ASPRV1: variants seen among roughly 807,000 people sequenced by gnomAD.
The protein encoded by ASPRV1 is aspartic peptidase retroviral like 1.
ASPRV1 carries 7 observed loss-of-function variants against 11.0 expected under a neutral mutation model. The ratio of observed to expected loss-of-function variants is 0.64; its 90% CI spans 0.36 to 1.20. The LOEUF (loss-of-function observed/expected upper bound fraction) is 1.20. Ranked by LOEUF, ASPRV1 falls within the 50% of genes most tolerant of loss-of-function variation. The probability of loss-of-function intolerance (pLI) is 0.02; values close to 1 mark genes in which losing one functional copy is unlikely to be tolerated. For missense variants in ASPRV1, 299 were observed against 320.0 expected, an observed-to-expected ratio of 0.93 and a Z score of 0.50; for synonymous variants, 136 against 138.4, an observed-to-expected ratio of 0.98 and a Z score of 0.12.
the ASPRV1 span, among the ~76,000 whole-genome samples, chr2:69,973,724 T>C: frequency 6.6e-6 from 1 of 152,226 alleles, no homozygotes; most frequent in African/African-American, 2.4e-5. Context: ...ACTGGAAGAA[T>C]ATTTCCTTCA....
chr2:70,040,834 AAAACT>A, the ASPRV1 span, among the ~76,000 whole-genome samples: 21 of 152,316 alleles, frequency 1.4e-4, no homozygotes, highest in South Asian at 2.1e-4. Flanking sequence ...ACTCCGACTC[AAAACT>A]AAACTAAACT....
At chr2:69,998,536 A>G in the ASPRV1 span, among the ~76,000 whole-genome samples, 3 of 151,910 alleles carry the variant, frequency 2.0e-5, no homozygotes, top group Admixed American at 6.6e-5. Flanking sequence ...GGTCAGATCG[A>G]GACCACGGTG....
the ASPRV1 span, among the ~76,000 whole-genome samples, chr2:69,974,592 A>T: frequency 6.6e-6 from 1 of 152,220 alleles, no homozygotes; most frequent in Non-Finnish European, 1.5e-5. Flanking sequence ...AAGGCTCTCC[A>T]AAACCTGATG....
the ASPRV1 span, among the ~76,000 whole-genome samples, chr2:70,051,590 T>C: frequency 6.6e-6 from 1 of 152,322 alleles, no homozygotes; most frequent in African/African-American, 2.4e-5. Flanking sequence ...GTATACCAAA[T>C]GTCCAACAAA....
the ASPRV1 span, among the ~76,000 whole-genome samples, chr2:70,075,469 A>AT: frequency 6.6e-6 from 1 of 152,076 alleles, no homozygotes; most frequent in Non-Finnish European, 1.5e-5. Flanking sequence ...CTTCAACTCT[A>AT]TAAAACGGGG....
At chr2:69,947,909 TG>T in the ASPRV1 span, among the ~76,000 whole-genome samples, 3 of 152,184 alleles carry the variant, frequency 2.0e-5, no homozygotes, top group African/African-American at 4.8e-5. Context: ...AGTGCTGACC[TG>T]GGTCTGATTC....
chr2:70,044,283 G>A, the ASPRV1 span, among the ~76,000 whole-genome samples: 1 of 152,120 alleles, frequency 6.6e-6, no homozygotes, highest in African/African-American at 2.4e-5. Flanking sequence ...TTGAGGGGCA[G>A]GACACATTCT....
At chr2:69,935,382 T>C in the ASPRV1 span, 1 of 1,614,130 alleles carries the variant, frequency 6.2e-7, no homozygotes, top group South Asian at 1.1e-5. Flanking sequence ...CCTGGAGAAG[T>C]TGAAGGGGCT....
chr2:69,966,521 T>C (rs1678346230), upstream of ASPRV1, among the ~76,000 whole-genome samples: 1 of 152,246 alleles, frequency 6.6e-6, no homozygotes, highest in Non-Finnish European at 1.5e-5. Context: ...GAGTGGGACT[T>C]GTAACACAGG....
the ASPRV1 span, among the ~76,000 whole-genome samples, chr2:70,005,858 T>C: frequency 2.6e-5 from 4 of 152,210 alleles, no homozygotes; most frequent in African/African-American, 9.7e-5. Flanking sequence ...TTCAAGCCAC[T>C]TCCCTTCAAC....
At chr2:69,987,612 G>A in the ASPRV1 span, among the ~76,000 whole-genome samples, 16 of 151,468 alleles carry the variant, frequency 1.1e-4, no homozygotes, top group East Asian at 1.9e-4. Flanking sequence ...AAATTTAGCC[G>A]GGCAGCACAT....
At chr2:70,004,732 G>A in the ASPRV1 span, among the ~76,000 whole-genome samples, 8 of 151,876 alleles carry the variant, frequency 5.3e-5, no homozygotes, top group African/African-American at 1.2e-4. Flanking sequence ...ACCTCTTCTC[G>A]TCTCCTGCTC....
chr2:69,954,839 C>A, the ASPRV1 span, among the ~76,000 whole-genome samples: 1 of 152,166 alleles, frequency 6.6e-6, no homozygotes, highest in Middle Eastern at 3.2e-3. Context: ...CCCAGACTGT[C>A]CTAGAGGACA....
chr2:69,968,065 G>A, the ASPRV1 span, among the ~76,000 whole-genome samples: 1 of 150,880 alleles, frequency 6.6e-6, no homozygotes, highest in African/African-American at 2.4e-5. Flanking sequence ...CTGGGTGACA[G>A]AGCAAGACTC....
the ASPRV1 span, among the ~76,000 whole-genome samples, chr2:69,937,814 A>C: frequency 6.6e-6 from 1 of 152,156 alleles, no homozygotes; most frequent in Non-Finnish European, 1.5e-5. Flanking sequence ...AGGTTTCACC[A>C]TATTGGCCAG....
the ASPRV1 span, among the ~76,000 whole-genome samples, chr2:69,954,673 C>T: frequency 1.3e-5 from 2 of 152,136 alleles, no homozygotes; most frequent in Non-Finnish European, 2.9e-5. Flanking sequence ...TCCCTCCACC[C>T]CAAATATTCC....
At chr2:70,030,308 G>A in the ASPRV1 span, 412 of 152,482 alleles carry the variant, frequency 2.7e-3, 1 homozygote, top group Non-Finnish European at 4.0e-3. Context: ...TCTGAGTGGG[G>A]CTCCAACAAG....
the ASPRV1 span, among the ~76,000 whole-genome samples, chr2:70,036,773 T>A: frequency 6.6e-6 from 1 of 152,206 alleles, no homozygotes; most frequent in Admixed American, 6.5e-5. Context: ...GCTCAAGGGA[T>A]CCTCCCACCT....
the ASPRV1 span, among the ~76,000 whole-genome samples, chr2:70,054,835 T>G: frequency 6.6e-6 from 1 of 152,120 alleles, no homozygotes; most frequent in Non-Finnish European, 1.5e-5. Context: ...GACATAAAGT[T>G]GGGGATCATT....
Sources: allele counts gnomAD v4.1 joint callset (sites outside exome capture counted in the v4.1 genomes callset), GRCh38; gene constraint gnomAD v4.1.1; transcripts MANE v1.5; gene names NCBI Gene and HGNC (gene_info 2026-07-23, HGNC 2026-07-21).